Variants in CHRM3 observed in about 807,000 individuals in gnomAD.
The protein encoded by CHRM3 is cholinergic receptor muscarinic 3.
A neutral mutation model predicts 41.8 loss-of-function variants in CHRM3; 11 were observed. The observed-to-expected ratio is 0.26, with a 90% CI of 0.17 to 0.44. CHRM3 has a LOEUF of 0.44. Among genes scored for constraint, CHRM3 ranks in the 20% least tolerant of loss-of-function variants. The probability of loss-of-function intolerance (pLI) is 1.00; values close to 1 mark genes in which losing one functional copy is unlikely to be tolerated. For missense variants in CHRM3, 571 were observed against 745.4 expected (o/e 0.77, Z 2.72); for synonymous variants, 297 against 301.4 (o/e 0.99, Z 0.15).
chr1:239,547,628 G>T (rs952010363), intron 3 of CHRM3, among the ~76,000 whole-genome samples: 2 of 152,176 alleles, frequency 1.3e-5, no homozygotes, highest in Admixed American at 1.3e-4. Context: ...ATCCACACAA[G>T]GAATGGCAGC....
chr1:239,903,367 T>C (rs1390478783), intron 6 of CHRM3, among the ~76,000 whole-genome samples: 1 of 152,206 alleles, frequency 6.6e-6, no homozygotes, highest in African/African-American at 2.4e-5. Flanking sequence ...TAACTTTGTG[T>C]TTTTAAAAAT....
intron 3 of CHRM3, among the ~76,000 whole-genome samples, chr1:239,575,848 A>G (rs1662287184): frequency 6.6e-6 from 1 of 152,154 alleles, no homozygotes; most frequent in African/African-American, 2.4e-5. Flanking sequence ...TTTTAAGTGT[A>G]CAGCTAGCTT....
intron 2 of CHRM3, among the ~76,000 whole-genome samples, chr1:239,503,654 G>C (rs1039099899): frequency 1.3e-5 from 2 of 152,124 alleles, no homozygotes; most frequent in Non-Finnish European, 2.9e-5. Context: ...CACACTACCT[G>C]ATTTCCAACT....
intron 3 of CHRM3, among the ~76,000 whole-genome samples, chr1:239,564,074 T>C (rs1462968322): frequency 6.6e-6 from 1 of 152,222 alleles, no homozygotes; most frequent in Non-Finnish European, 1.5e-5. Flanking sequence ...TTTCTAACTT[T>C]GGTTACTTAG....
rs181274707 is a variant in CHRM3, at chr1:239,592,286, T to C, written c.-312-39938T>C. Among the ~76,000 whole-genome samples the C allele has an allele frequency of 5.6e-3, 853 of 152,328 alleles. 5 individuals carry two copies. Among genetic ancestry groups the C allele is most frequent in the African/African-American group, 0.016 (661 of 41,580 alleles). ...TGAAGAGGTTTTTGCTTTGTCCCTCTAACATATATCTAGTCTGAAAACTTG... is the reference window on the plus strand; with the variant it reads ...TGAAGAGGTTTTTGCTTTGTCCCTCCAACATATATCTAGTCTGAAAACTTG... On this transcript the variant is annotated intron_variant, in intron 3 of 6. Transcript: ENST00000676153.
intron 1 of CHRM3, among the ~76,000 whole-genome samples, chr1:239,440,738 C>G (rs990095349): frequency 6.6e-6 from 1 of 152,184 alleles, no homozygotes; most frequent in African/African-American, 2.4e-5. Context: ...GAGAACAGGT[C>G]TGAGTGCTCT....
chr1:239,405,977 C>G (rs1437954723), intron 1 of CHRM3, among the ~76,000 whole-genome samples: 2 of 152,204 alleles, frequency 1.3e-5, no homozygotes, highest in South Asian at 4.1e-4. Context: ...CTGCAACCTC[C>G]GCCTCCCGGG....
At position 239,701,657 on chromosome 1, in the gene CHRM3, C is replaced by T. The variant is rs1053401677; in HGVS notation, c.-147+23369C>T. On this transcript the variant is annotated intron_variant, in intron 5 of 6. Coordinates refer to ENST00000676153, the MANE Select transcript of CHRM3 (RefSeq NM_001375978.1). ...TTTTCCTAAAATATCACATTCATCA[C>T]GTCTCTTCTGCTCCTGATCTTTTAA... Among the ~76,000 whole-genome samples the T allele has an allele frequency of 3.9e-5, 6 of 152,146 alleles. No individual in the cohort carries two copies. In the East Asian group the frequency reaches 5.8e-4, roughly 15 times the overall value.
At chr1:239,834,820 C>A in intron 6 of CHRM3, among the ~76,000 whole-genome samples, 1 of 152,106 alleles carries the variant, frequency 6.6e-6, no homozygotes, top group East Asian at 1.9e-4. Context: ...GATCTAGTAC[C>A]ACACTCAATG....
rs181579088 is a variant in CHRM3, at chr1:239,720,495, A to G, written c.-147+42207A>G. On this transcript the variant is annotated intron_variant, in intron 5 of 6. Transcript: ENST00000676153. ...AATGAAACAGTAATGCTCTCGTGCC[A>G]CTCAACGCCAGACTTTTCATGTTGC... 7.3e-4 allele frequency among the ~76,000 whole-genome samples: 111 copies of G among 152,070 alleles called. 2 individuals carry two copies. The East Asian group carries it at 0.015, about 21-fold the overall frequency.
At chr1:239,766,600 G>A (rs1450036917) in intron 5 of CHRM3, among the ~76,000 whole-genome samples, 2 of 151,882 alleles carry the variant, frequency 1.3e-5, no homozygotes, top group Admixed American at 1.3e-4. Context: ...AAATACAAAC[G>A]AAGTTCACAG....
intron 4 of CHRM3, among the ~76,000 whole-genome samples, chr1:239,633,504 G>A (rs113523210): frequency 9.2e-5 from 14 of 152,086 alleles, no homozygotes; most frequent in East Asian, 3.9e-4. Context: ...TACCCTCTTC[G>A]TTCCTAACAA....
intron 4 of CHRM3, among the ~76,000 whole-genome samples, chr1:239,662,992 C>T (rs1673415653): frequency 6.9e-6 from 1 of 144,616 alleles, no homozygotes; most frequent in Non-Finnish European, 1.5e-5. Context: ...CCTTCCTTGT[C>T]CTTCTCCTTC....
chr1:239,764,164 T>G (rs1667023879), intron 5 of CHRM3, among the ~76,000 whole-genome samples: 1 of 152,120 alleles, frequency 6.6e-6, no homozygotes, highest in Admixed American at 6.5e-5. Flanking sequence ...TTTACCCCAT[T>G]GTGCCAGAGT....
At chr1:239,722,582 C>A (rs116800996) in intron 5 of CHRM3, among the ~76,000 whole-genome samples, 2 of 151,858 alleles carry the variant, frequency 1.3e-5, no homozygotes, top group Non-Finnish European at 2.9e-5. Context: ...CATTATTACT[C>A]ATTAAGCACT....
intron 1 of CHRM3, among the ~76,000 whole-genome samples, chr1:239,479,475 A>G (rs1160503383): frequency 6.6e-6 from 1 of 152,216 alleles, no homozygotes; most frequent in Non-Finnish European, 1.5e-5. Context: ...CCACATTTTC[A>G]AAGTGCTGAG....
At chr1:239,500,102 C>G (rs1375302772) in intron 2 of CHRM3, among the ~76,000 whole-genome samples, 1 of 141,916 alleles carries the variant, frequency 7.0e-6, no homozygotes, top group African/African-American at 2.4e-5. Context: ...CCATCAATAC[C>G]TAATTTATTG....
chr1:239,436,926 C>T (rs1663317359), intron 1 of CHRM3, among the ~76,000 whole-genome samples: 1 of 152,064 alleles, frequency 6.6e-6, no homozygotes, highest in Non-Finnish European at 1.5e-5. Context: ...ATTAAGGACA[C>T]CTCCAGTGAG....
chr1:239,776,532 C>G lies in CHRM3; in HGVS notation c.-146-50720C>G, dbSNP rs529649356. On this transcript the variant is annotated intron_variant, in intron 5 of 6. Transcript: ENST00000676153. ...TCCTTATCCCCTGGCAGATAGTGAA[C>G]CTTTCAAAAAATTGATGTAAGGAAG... Among the ~76,000 whole-genome samples, 238 of 152,010 alleles carry G rather than the reference C, an allele frequency of 1.6e-3. 1 individual carries two copies. The highest frequency in any genetic ancestry group is 2.9e-3 in the Non-Finnish European group (200 of 68,002).
Sources: allele counts gnomAD v4.1 joint callset (sites outside exome capture counted in the v4.1 genomes callset), GRCh38; gene constraint gnomAD v4.1.1; transcripts MANE v1.5; gene names NCBI Gene and HGNC (gene_info 2026-07-23, HGNC 2026-07-21).